Variants in GABRG1 observed in about 807,000 individuals in gnomAD.
GABRG1 encodes the protein gamma-aminobutyric acid receptor subunit gamma-1.
In GABRG1, 49 loss-of-function variants were observed where a neutral mutation model predicts 49.8. The observed-to-expected ratio is 0.98, with a 90% CI of 0.78 to 1.25. The LOEUF (loss-of-function observed/expected upper bound fraction) is 1.25. Among genes scored for constraint, GABRG1 ranks in the 50% most tolerant of loss-of-function variants. GABRG1 has a pLI of 0.00. For missense variants in GABRG1, 552 were observed against 552.3 expected (o/e 1.00, Z 0.01); for synonymous variants, 232 against 185.1 (o/e 1.25, Z -2.06).
intron 3 of GABRG1, among the ~76,000 whole-genome samples, chr4:46,066,252 C>A (rs1051064775): frequency 6.6e-6 from 1 of 152,026 alleles, no homozygotes; most frequent in Non-Finnish European, 1.5e-5. Flanking sequence ...AGAAACTAGA[C>A]GCAAAAAACA....
chr4:46,079,079 T>A (rs945648763), intron 3 of GABRG1, among the ~76,000 whole-genome samples: 2 of 151,842 alleles, frequency 1.3e-5, no homozygotes, highest in African/African-American at 2.4e-5. Context: ...TTTGTTTTTT[T>A]TTTTTCCTTT....
At chr4:46,117,173 C>T (rs989930199) in intron 1 of GABRG1, among the ~76,000 whole-genome samples, 6 of 150,434 alleles carry the variant, frequency 4.0e-5, no homozygotes, top group Admixed American at 1.3e-4. Flanking sequence ...ATTAAACTCA[C>T]TATTTTATAA....
chr4:46,095,280 C>T (rs1720129705), intron 2 of GABRG1, among the ~76,000 whole-genome samples: 1 of 151,518 alleles, frequency 6.6e-6, no homozygotes, highest in South Asian at 2.1e-4. Context: ...ACTAACATAC[C>T]TATAGTGGGA....
intron 1 of GABRG1, among the ~76,000 whole-genome samples, chr4:46,107,712 C>G (rs1293929764): frequency 6.7e-6 from 1 of 149,114 alleles, no homozygotes; most frequent in Admixed American, 6.6e-5. Flanking sequence ...TTATTTTCTT[C>G]AAATATTCTG....
At chr4:46,071,149 T>A (rs961601592) in intron 3 of GABRG1, among the ~76,000 whole-genome samples, 1 of 152,024 alleles carries the variant, frequency 6.6e-6, no homozygotes, top group African/African-American at 2.4e-5. Context: ...ATGCTGCCAG[T>A]TGTTTAAAAG....
At chr4:46,062,562 G>A (rs997370983) in intron 5 of GABRG1, among the ~76,000 whole-genome samples, 3 of 152,062 alleles carry the variant, frequency 2.0e-5, no homozygotes, top group Non-Finnish European at 4.4e-5. Context: ...TTTAATGATC[G>A]CCATTTTAAC....
chr4:46,066,875 CGTGTATATATGTGT>C (rs550294584), intron 3 of GABRG1, among the ~76,000 whole-genome samples: 11 of 149,934 alleles, frequency 7.3e-5, no homozygotes, highest in African/African-American at 1.5e-4. Flanking sequence ...TTTATGTGTG[CGTGTATATATGTGT>C]GTGTATATAT....
chr4:46,123,759 G>A, intron 1 of GABRG1, 51 bp downstream of exon 1: 2 of 1,309,228 alleles, frequency 1.5e-6, no homozygotes, highest in South Asian at 2.4e-5. Flanking sequence ...GGGGAATAAG[G>A]GGAAAGGGGT....
Position 46,051,676 on chromosome 4 carries a change from A to G in GABRG1, c.917-38T>C, listed in dbSNP as rs1448625948. ...GAAACAAAACAGGAAATGAAAATTAATAGACCACATTTATTCTTCCATCTG... is the reference window on the plus strand; with the variant it reads ...GAAACAAAACAGGAAATGAAAATTAGTAGACCACATTTATTCTTCCATCTG... On this transcript the variant is annotated intron_variant, in intron 7 of 8. Transcript: ENST00000295452. 1.8e-5 allele frequency: 23 copies of G among 1,263,534 alleles called. No individual in the cohort carries two copies. The Admixed American group carries it at 4.4e-4, about 24-fold the overall frequency. The allele number at this position is 1,263,534 out of a possible 1,614,324, so 78.3% of individuals were successfully genotyped here.
At position 46,037,612 on chromosome 4, in the gene GABRG1, A is replaced by G. The variant is rs1717580140; in HGVS notation, c.*3376T>C. 6.6e-6 allele frequency: 1 copy of G among 151,780 alleles called. No homozygotes were observed. The highest frequency in any genetic ancestry group is 2.1e-4 in the South Asian group (1 of 4,834). 9.4% of individuals were successfully genotyped at this position (151,780 alleles called of 1,614,324 possible). On this transcript the variant is annotated 3_prime_UTR_variant, in exon 9 of 9. Transcript: ENST00000295452. ...TCTAAAACCAATGAAATAATTTCAA[A>G]TGTAGTATTTTTTTACAGGAAATTT...
chr4:46,115,324 A>T (rs1279195299), intron 1 of GABRG1, among the ~76,000 whole-genome samples: 1 of 150,756 alleles, frequency 6.6e-6, no homozygotes, highest in Admixed American at 6.6e-5. Context: ...GTGAATTATC[A>T]GTTTAGAAAT....
chr4:46,051,383 A>C (rs45536134), intron 8 of GABRG1, 41 bp downstream of exon 8: 1 of 1,400,644 alleles, frequency 7.1e-7, no homozygotes, highest in Non-Finnish European at 9.8e-7. Context: ...TCTCTAAGTA[A>C]GTTGAGGTTT....
In GABRG1 at chr4:46,065,526, T is replaced by C. The variant is rs764741957; in HGVS notation, c.380A>G (p.Asn127Ser). The part of the protein sequence containing the change: ...QTWFDSRLKF[N>S]STMKVLMLNS... ...AAGCATAAGCACTTTCATGGTACTA[T>C]TGAATTTTAAACGACTGTCAAACCA... The change falls in exon 4 of 9, where the codon AAT (asparagine) becomes AGT (serine). Residue 127 changes from asparagine (N) to serine (S), a missense_variant. Coordinates refer to ENST00000295452, the MANE Select transcript of GABRG1 (RefSeq NM_173536.4). The C allele has an allele frequency of 7.5e-6, 12 of 1,609,400 alleles. No individual in the cohort carries two copies. Among genetic ancestry groups the C allele is most frequent in the Admixed American group, 3.3e-5 (2 of 59,968 alleles).
At chr4:46,106,693 C>T (rs560123560) in intron 1 of GABRG1, among the ~76,000 whole-genome samples, 1 of 151,476 alleles carries the variant, frequency 6.6e-6, no homozygotes, top group East Asian at 2.0e-4. Context: ...TCTCACCTAA[C>T]ACCTCCTTTC....
At chr4:46,051,369 A>T (rs755909188) in intron 8 of GABRG1, 55 bp downstream of exon 8, 7 of 1,276,314 alleles carry the variant, frequency 5.5e-6, no homozygotes, top group Non-Finnish European at 7.6e-6. Flanking sequence ...TATTCAAAAG[A>T]GTATCTCTAA....
intron 8 of GABRG1, among the ~76,000 whole-genome samples, chr4:46,044,052 A>T (rs1346787459): frequency 6.6e-6 from 1 of 152,126 alleles, no homozygotes; most frequent in Non-Finnish European, 1.5e-5. Flanking sequence ...ACTATATAAT[A>T]TTAATTTCCC....
intron 1 of GABRG1, among the ~76,000 whole-genome samples, chr4:46,122,776 T>C (rs1420505478): frequency 6.6e-6 from 1 of 152,164 alleles, no homozygotes; most frequent in African/African-American, 2.4e-5. Flanking sequence ...TCATAATGAT[T>C]GTACTTTACT....
Position 46,036,068 on chromosome 4 carries a change from G to C in GABRG1, c.*4920C>G, listed in dbSNP as rs1358582356. The stretch of plus-strand genomic sequence containing the variant: ...TCATGTCTCAAAAGTCTTCTAATTA[G>C]CCCTTTTTGCTTAGCTGCATTTCAG... On this transcript the variant is annotated 3_prime_UTR_variant, in exon 9 of 9. Coordinates refer to ENST00000295452, the MANE Select transcript of GABRG1 (RefSeq NM_173536.4). 6.6e-6 allele frequency: 1 copy of C among 151,838 alleles called. No homozygotes were observed. The highest frequency in any genetic ancestry group is 1.5e-5 in the Non-Finnish European group (1 of 67,856). The allele number at this position is 151,838 out of a possible 1,614,324, so 9.4% of individuals were successfully genotyped here. A position where few individuals can be genotyped will look rare whatever the true frequency, so the allele number is the denominator to read the frequency against.
chr4:46,065,267 TGG>T, intron 4 of GABRG1, 95 bp downstream of exon 4: 5 of 741,140 alleles, frequency 6.7e-6, no homozygotes, highest in Middle Eastern at 3.9e-4. Flanking sequence ...TCCACATTTT[TGG>T]TTTTGCAACT....
Sources: gnomAD v4.1 joint callset for allele counts (sites outside exome capture counted in the v4.1 genomes callset) on GRCh38, gnomAD v4.1.1 for gene constraint, MANE v1.5 for transcripts, NCBI Gene and HGNC (gene_info 2026-07-23, HGNC 2026-07-21) for gene names.